EIF2AK2: variants seen among roughly 807,000 people sequenced by gnomAD.
EIF2AK2 encodes eukaryotic translation initiation factor 2 alpha kinase 2.
Under a neutral mutation model 70.5 loss-of-function variants are expected in EIF2AK2, and 40 were observed. The observed-to-expected ratio is 0.57, with a 90% CI of 0.44 to 0.74. EIF2AK2 has a LOEUF of 0.74. Among genes scored for constraint, EIF2AK2 ranks in the 30% least tolerant of loss-of-function variants. The probability of loss-of-function intolerance (pLI) is 0.00; values close to 1 mark genes in which losing one functional copy is unlikely to be tolerated. For synonymous variants in EIF2AK2, 198 were observed against 220.9 expected, an observed-to-expected ratio of 0.90 and a Z score of 0.92; for missense variants, 555 against 644.3, an observed-to-expected ratio of 0.86 and a Z score of 1.50.
chr2:37,149,101 A>C, intron 1 of EIF2AK2, 78 bp from the exon 2 acceptor site: 1 of 893,900 alleles, frequency 1.1e-6, no homozygotes, highest in Non-Finnish European at 1.9e-6. Flanking sequence ...GCGAAGACTA[A>C]GGTCTATGAT....
At position 37,101,146 on chromosome 2, in the gene EIF2AK2, T is replaced by C. The variant is rs1301142746; in HGVS notation, c.*6127A>G. The C allele has an allele frequency of 1.3e-5, 2 of 152,248 alleles. No individual in the cohort carries two copies. Among genetic ancestry groups the C allele is most frequent in the Non-Finnish European group, 2.9e-5 (2 of 68,052 alleles). 9.4% of individuals were successfully genotyped at this position (152,248 alleles called of 1,614,324 possible). A position where few individuals can be genotyped will look rare whatever the true frequency, so the allele number is the denominator to read the frequency against. ...TTTCAAATATAGTTTCCTCCTGCTCTATTCTAAACATGCTAGTTTCAAAGT... is the reference window on the plus strand; with the variant it reads ...TTTCAAATATAGTTTCCTCCTGCTCCATTCTAAACATGCTAGTTTCAAAGT... On this transcript the variant is annotated 3_prime_UTR_variant, in exon 17 of 17. Coordinates refer to ENST00000233057, the MANE Select transcript of EIF2AK2 (RefSeq NM_001135651.3).
chr2:37,126,134 G>T (rs954761924), intron 11 of EIF2AK2, among the ~76,000 whole-genome samples, 155 bp downstream of exon 11: 2 of 152,010 alleles, frequency 1.3e-5, no homozygotes, highest in Admixed American at 1.3e-4. Context: ...AGATCATCTC[G>T]GAGTAAGCCA....
chr2:37,133,385 T>C (rs770241763), intron 10 of EIF2AK2, among the ~76,000 whole-genome samples: 3 of 152,178 alleles, frequency 2.0e-5, no homozygotes, highest in African/African-American at 4.8e-5. Flanking sequence ...TGCCATTTCA[T>C]TTGGGAATAT....
intron 10 of EIF2AK2, among the ~76,000 whole-genome samples, chr2:37,134,727 G>C (rs1212211967): frequency 6.6e-6 from 1 of 152,110 alleles, no homozygotes; most frequent in East Asian, 1.9e-4. Flanking sequence ...TTTTCTTTCT[G>C]TATCTCCAAC....
Position 37,148,908 on chromosome 2 carries a change from T to A in EIF2AK2, c.-68A>T. 2.4e-6 allele frequency: 2 copies of A among 825,390 alleles called. No homozygotes were observed. The highest frequency in any genetic ancestry group is 2.7e-5 in the South Asian group (2 of 75,000). 51.1% of individuals were successfully genotyped at this position (825,390 alleles called of 1,614,324 possible). On this transcript the variant is annotated 5_prime_UTR_variant, in exon 2 of 17. Transcript: ENST00000233057. Reference sequence around the variant, plus strand: ...ACGCAGATAATCACGGAAGTGTGGATGTTGATTCTGAAGACCGCCAGAGAA... The same window carrying A: ...ACGCAGATAATCACGGAAGTGTGGAAGTTGATTCTGAAGACCGCCAGAGAA...
intron 3 of EIF2AK2, among the ~76,000 whole-genome samples, chr2:37,147,354 T>C (rs954512140): frequency 7.9e-5 from 12 of 152,044 alleles, no homozygotes; most frequent in African/African-American, 2.7e-4. Flanking sequence ...TTAGGGTACA[T>C]GTGCACAACG....
rs937541912 is a variant in EIF2AK2, at chr2:37,141,710, A to G, written c.241-9T>C. 12 of 1,586,496 alleles carry G rather than the reference A, an allele frequency of 7.6e-6. No individual in the cohort carries two copies. Among genetic ancestry groups the G allele is most frequent in the Non-Finnish European group, 1.0e-5 (12 of 1,169,760 alleles). On this transcript the variant is annotated splice_polypyrimidine_tract_variant and intron_variant, in intron 4 of 16. Transcript: ENST00000233057. ...AATAAAGGACTAACTGCCTACAAAG[A>G]AAAAAAATTCCTGTTTAATATAAAT...
chr2:37,144,576 AT>A lies in EIF2AK2; in HGVS notation c.240+2276del, dbSNP rs1036846179. On this transcript the variant is annotated intron_variant, in intron 4 of 16. Coordinates refer to ENST00000233057, the MANE Select transcript of EIF2AK2 (RefSeq NM_001135651.3). ...GGCTGATGTGTGTGTTTGTGTTGTA[AT>A]TTTTTTTCTTTCTTTTTTTTTTTTG... Among the ~76,000 whole-genome samples, 124 of 149,948 alleles carry A rather than the reference AT, an allele frequency of 8.3e-4. 1 individual carries two copies. Among genetic ancestry groups the A allele is most frequent in the Admixed American group, 4.3e-3 (65 of 15,068 alleles).
At chr2:37,124,871 G>A (rs1317787658) in intron 11 of EIF2AK2, among the ~76,000 whole-genome samples, 2 of 151,852 alleles carry the variant, frequency 1.3e-5, no homozygotes, top group African/African-American at 4.8e-5. Context: ...GAGACTACAG[G>A]CGTGGCTACC....
chr2:37,132,664 A>G (rs932095382), intron 10 of EIF2AK2, among the ~76,000 whole-genome samples: 1 of 152,158 alleles, frequency 6.6e-6, no homozygotes, highest in African/African-American at 2.4e-5. Flanking sequence ...TCCCCTCTAC[A>G]ACATTTCTTA....
At chr2:37,108,100 C>T (rs954769765) in intron 15 of EIF2AK2, among the ~76,000 whole-genome samples, 4 of 150,560 alleles carry the variant, frequency 2.7e-5, no homozygotes, top group South Asian at 2.1e-4. Context: ...GAGCCAAGAT[C>T]GCGCCATTGC....
chr2:37,138,740 G>C (rs985410263), intron 6 of EIF2AK2, among the ~76,000 whole-genome samples, 155 bp from the exon 7 acceptor site: 1 of 152,122 alleles, frequency 6.6e-6, no homozygotes, highest in Non-Finnish European at 1.5e-5. Flanking sequence ...TGGATGTTTG[G>C]TCTGGATTTT....
At position 37,132,634 on chromosome 2, in the gene EIF2AK2, A is replaced by T. The variant is rs1558420476; in HGVS notation, c.785+2850T>A. 2.6e-5 allele frequency among the ~76,000 whole-genome samples: 4 copies of T among 152,268 alleles called. No individual in the cohort carries two copies. In the South Asian group the frequency reaches 8.3e-4, roughly 32 times the overall value. ...ACAACTCTGTTATGGGACATCCACA[A>T]CCTCTTGCACACTAGCCATTCCCCT... On this transcript the variant is annotated intron_variant, in intron 10 of 16. Transcript: ENST00000233057.
chr2:37,113,007 G>A lies in EIF2AK2; in HGVS notation c.1377+1724C>T, dbSNP rs114340628. ...ATTTAAATAATTAACTGCTTAACAC[G>A]TAGTGATGAAGCAACTGCATATTCA... is the stretch of plus-strand genomic sequence containing the variant. On this transcript the variant is annotated intron_variant, in intron 14 of 16. Transcript: ENST00000233057. Among the ~76,000 whole-genome samples the A allele has an allele frequency of 5.0e-3, 762 of 152,208 alleles. 5 individuals are homozygous for A. The highest frequency in any genetic ancestry group is 0.018 in the African/African-American group (739 of 41,530).
intron 13 of EIF2AK2, among the ~76,000 whole-genome samples, chr2:37,117,028 A>G (rs1259609341): frequency 6.6e-6 from 1 of 152,096 alleles, no homozygotes; most frequent in Non-Finnish European, 1.5e-5. Flanking sequence ...CCTTGCCAAC[A>G]TGGTGAAACC....
chr2:37,135,583 A>G (rs1675099858), intron 9 of EIF2AK2, 37 bp from the exon 10 acceptor site: 1 of 1,542,652 alleles, frequency 6.5e-7, no homozygotes. Context: ...CTCAAATAAA[A>G]TTGAAATCAA....
At chr2:37,145,461 A>G (rs1287540893) in intron 4 of EIF2AK2, among the ~76,000 whole-genome samples, 1 of 152,180 alleles carries the variant, frequency 6.6e-6, no homozygotes, top group Admixed American at 6.5e-5. Flanking sequence ...GTTTTAGGCT[A>G]AGTGTTATTT....
chr2:37,144,875 C>G (rs1022178038), intron 4 of EIF2AK2, among the ~76,000 whole-genome samples: 11 of 151,568 alleles, frequency 7.3e-5, no homozygotes, highest in African/African-American at 2.7e-4. Context: ...AACCACCACA[C>G]CCAGCCTTTG....
At chr2:37,126,460 A>ACC in intron 10 of EIF2AK2, 49 bp from the exon 11 acceptor site, 1 of 1,478,470 alleles carries the variant, frequency 6.8e-7, no homozygotes, top group Non-Finnish European at 9.1e-7. Context: ...CTCAACCCCC[A>ACC]CCCCCCCGCC....
Sources: gnomAD v4.1 joint callset for allele counts (sites outside exome capture counted in the v4.1 genomes callset) on GRCh38, gnomAD v4.1.1 for gene constraint, MANE v1.5 for transcripts, NCBI Gene and HGNC (gene_info 2026-07-23, HGNC 2026-07-21) for gene names.